Variants in CAMK4 observed in about 807,000 individuals in gnomAD.
CAMK4 encodes calcium/calmodulin dependent protein kinase IV.
CAMK4 carries 22 observed loss-of-function variants against 44.9 expected under a neutral mutation model. The ratio of observed to expected loss-of-function variants is 0.49; its 90% confidence interval spans 0.35 to 0.70. The LOEUF (loss-of-function observed/expected upper bound fraction) is 0.70, where lower values mean the gene tolerates loss of function less well. CAMK4 is among the 30% of genes least tolerant of loss of function. The probability of loss-of-function intolerance (pLI) is 0.01; values close to 1 mark genes in which losing one functional copy is unlikely to be tolerated. For missense variants in CAMK4, 498 were observed against 586.8 expected, an observed-to-expected ratio of 0.85 and a Z score of 1.56; for synonymous variants, 218 against 215.4, an observed-to-expected ratio of 1.01 and a Z score of -0.11.
chr5:111,367,790 G>C (rs563770620), intron 2 of CAMK4, among the ~76,000 whole-genome samples: 6 of 152,242 alleles, frequency 3.9e-5, no homozygotes, highest in African/African-American at 1.4e-4. Flanking sequence ...TTACTGGGTA[G>C]GTGAATTCCC....
Position 111,494,194 on chromosome 5 carries a change from CACA to C in CAMK4, c.*9730_*9732del, listed in dbSNP as rs1430585678. The C allele has an allele frequency of 5.9e-5, 9 of 152,138 alleles. No individual in the cohort carries two copies. The highest frequency in any genetic ancestry group is 2.2e-4 in the African/African-American group (9 of 41,438). 9.4% of individuals were successfully genotyped at this position (152,138 alleles called of 1,614,324 possible). A position where few individuals can be genotyped will look rare whatever the true frequency, so the allele number is the denominator to read the frequency against. The stretch of plus-strand genomic sequence containing the variant: ...TTTAGGCTGCAAGTCAGTAGCCAAA[CACA>C]AGAGCATGTAAGATTTGGAGGACAA... On this transcript the variant is annotated 3_prime_UTR_variant, in exon 11 of 11. Coordinates refer to ENST00000282356, the MANE Select transcript of CAMK4 (RefSeq NM_001744.6).
intron 1 of CAMK4, among the ~76,000 whole-genome samples, chr5:111,314,165 C>T (rs565504882): frequency 1.0e-3 from 152 of 152,072 alleles, no homozygotes; most frequent in African/African-American, 3.4e-3. Context: ...TGGCTGGTAC[C>T]TAGAGTGGAG....
At chr5:111,446,515 A>G (rs1206425549) in intron 5 of CAMK4, among the ~76,000 whole-genome samples, 171 bp from the exon 6 acceptor site, 1 of 152,212 alleles carries the variant, frequency 6.6e-6, no homozygotes, top group African/African-American at 2.4e-5. Flanking sequence ...TTTATAAAGT[A>G]TTATTTAATG....
chr5:111,339,188 T>C (rs11955163), intron 1 of CAMK4, among the ~76,000 whole-genome samples: 6,312 of 151,446 alleles, frequency 0.042, 457 homozygotes, highest in African/African-American at 0.14. Flanking sequence ...GTCTGTTTTA[T>C]TCTGCTGATT....
At chr5:111,383,306 C>G (rs181189253) in intron 4 of CAMK4, among the ~76,000 whole-genome samples, 52 of 152,194 alleles carry the variant, frequency 3.4e-4, no homozygotes, top group Non-Finnish European at 6.9e-4. Flanking sequence ...GACAAAGGGT[C>G]AAAGGAGCTA....
rs535672700 is a variant in CAMK4 at position 111,328,373 on chromosome 5, T to C, written c.162-15651T>C. Among the ~76,000 whole-genome samples the C allele has an allele frequency of 2.4e-3, 359 of 151,834 alleles. 2 individuals carry two copies. The highest frequency in any genetic ancestry group is 8.5e-3 in the African/African-American group (351 of 41,466). ...CTGTTCTGTTCCATTGGTCTATATCTCTGTTTTGGTACCAGTACCTTGCTG... is the reference window on the plus strand; with the variant it reads ...CTGTTCTGTTCCATTGGTCTATATCCCTGTTTTGGTACCAGTACCTTGCTG... On this transcript the variant is annotated intron_variant, in intron 1 of 10. Coordinates refer to ENST00000282356, the MANE Select transcript of CAMK4 (RefSeq NM_001744.6).
chr5:111,386,629 G>C (rs765967037), intron 4 of CAMK4, among the ~76,000 whole-genome samples: 1 of 152,228 alleles, frequency 6.6e-6, no homozygotes, highest in Admixed American at 6.5e-5. Flanking sequence ...CAGCTCCATA[G>C]AGAGAAATAG....
At chr5:111,227,085 G>A (rs959500211) in intron 1 of CAMK4, among the ~76,000 whole-genome samples, 1 of 152,178 alleles carries the variant, frequency 6.6e-6, no homozygotes, top group Non-Finnish European at 1.5e-5. Context: ...GTACATGGCA[G>A]CATTCGTGGG....
chr5:111,442,152 A>T (rs1753845922), intron 5 of CAMK4, among the ~76,000 whole-genome samples: 2 of 152,164 alleles, frequency 1.3e-5, no homozygotes, highest in Non-Finnish European at 2.9e-5. Context: ...GAGGATCCTG[A>T]TATCCTGTTA....
chr5:111,425,072 A>G (rs971799875), intron 5 of CAMK4, among the ~76,000 whole-genome samples: 22 of 150,226 alleles, frequency 1.5e-4, no homozygotes, highest in Non-Finnish European at 4.4e-5. Context: ...CTGAGGTGGG[A>G]GGATGGCTTG....
chr5:111,285,160 A>T (rs1159726334), intron 1 of CAMK4, among the ~76,000 whole-genome samples: 2 of 152,224 alleles, frequency 1.3e-5, no homozygotes, highest in African/African-American at 4.8e-5. Flanking sequence ...TCTTAAAGTG[A>T]TCATGGTACA....
At chr5:111,479,264 A>T (rs1250112265) in intron 9 of CAMK4, among the ~76,000 whole-genome samples, 1 of 152,200 alleles carries the variant, frequency 6.6e-6, no homozygotes, top group African/African-American at 2.4e-5. Context: ...AAGTCCCATT[A>T]TGCATCATTG....
intron 1 of CAMK4, among the ~76,000 whole-genome samples, chr5:111,311,400 G>T (rs900572174): frequency 2.0e-5 from 3 of 152,140 alleles, no homozygotes; most frequent in African/African-American, 4.8e-5. Flanking sequence ...TGGGATTTCT[G>T]TTTGAAGAAT....
chr5:111,234,167 C>T (rs567651900), intron 1 of CAMK4, among the ~76,000 whole-genome samples: 2 of 152,162 alleles, frequency 1.3e-5, no homozygotes, highest in African/African-American at 2.4e-5. Context: ...GAATAAACTT[C>T]TTTATATTTA....
At chr5:111,282,342 CA>C (rs1244445149) in intron 1 of CAMK4, among the ~76,000 whole-genome samples, 1 of 152,184 alleles carries the variant, frequency 6.6e-6, no homozygotes, top group Non-Finnish European at 1.5e-5. Flanking sequence ...AAAGGACTGA[CA>C]GTCCCATTAA....
intron 7 of CAMK4, among the ~76,000 whole-genome samples, chr5:111,460,104 C>G (rs180687657): frequency 1.2e-4 from 18 of 151,758 alleles, no homozygotes; most frequent in African/African-American, 1.7e-4. Flanking sequence ...TATTTTGGAC[C>G]AGAACACCCA....
intron 1 of CAMK4, among the ~76,000 whole-genome samples, chr5:111,334,120 T>C (rs1644504): frequency 0.42 from 63,531 of 151,364 alleles, 13,876 homozygotes; most frequent in South Asian, 0.58. Context: ...TGGAGTTTAG[T>C]ATCATTAGTA....
At chr5:111,360,061 T>C (rs1750528282) in intron 2 of CAMK4, among the ~76,000 whole-genome samples, 2 of 152,028 alleles carry the variant, frequency 1.3e-5, no homozygotes, top group African/African-American at 2.4e-5. Context: ...TGCAAAAAAA[T>C]GTATCAGTAT....
intron 4 of CAMK4, among the ~76,000 whole-genome samples, chr5:111,378,737 A>G (rs1751307012): frequency 6.6e-6 from 1 of 152,158 alleles, no homozygotes; most frequent in Non-Finnish European, 1.5e-5. Context: ...TGTTTTTTTG[A>G]AAGACTCACA....
Sources: gnomAD v4.1 joint callset for allele counts (sites outside exome capture counted in the v4.1 genomes callset) on GRCh38, gnomAD v4.1.1 for gene constraint, MANE v1.5 for transcripts, NCBI Gene and HGNC (gene_info 2026-07-23, HGNC 2026-07-21) for gene names.